Variants in PWWP2A observed in about 807,000 individuals in gnomAD.
PWWP2A encodes the protein PWWP domain-containing protein 2A.
PWWP2A carries 18 observed loss-of-function variants against 48.5 expected under a neutral mutation model. That is an observed-to-expected ratio of 0.37 (90% CI 0.26 to 0.55). The LOEUF (loss-of-function observed/expected upper bound fraction) is 0.55, where lower values mean the gene tolerates loss of function less well. Ranked by LOEUF, PWWP2A falls within the 20% of genes least tolerant of loss-of-function variation. The pLI, the probability that PWWP2A is intolerant of heterozygous loss-of-function variation, is 0.81. For missense variants in PWWP2A, 867 were observed against 976.4 expected, an observed-to-expected ratio of 0.89 and a Z score of 1.49; for synonymous variants, 396 against 387.7, an observed-to-expected ratio of 1.02 and a Z score of -0.25.
chr5:160,046,685 CAG>C, the PWWP2A span, among the ~76,000 whole-genome samples: 2 of 152,072 alleles, frequency 1.3e-5, no homozygotes, highest in African/African-American at 2.4e-5. Context: ...TAAATTAAGA[CAG>C]AAGGAAAATG....
intron 4 of PWWP2A, chr5:160,065,445 GGGTTCCCGCCT>G: frequency 2.2e-6 from 1 of 462,672 alleles, no homozygotes; most frequent in South Asian, 1.6e-5. Flanking sequence ...GATTGATGAC[GGGTTCCCGCCT>G]GCTGTCCCCT....
At chr5:160,052,412 A>G in the PWWP2A span, among the ~76,000 whole-genome samples, 1 of 151,934 alleles carries the variant, frequency 6.6e-6, no homozygotes, top group African/African-American at 2.4e-5. Context: ...ACTTGAGCCC[A>G]AGGGTTAGAG....
At chr5:160,097,513 C>G (rs1419718403) in intron 1 of PWWP2A, among the ~76,000 whole-genome samples, 2 of 151,398 alleles carry the variant, frequency 1.3e-5, no homozygotes, top group East Asian at 4.0e-4. Flanking sequence ...GCCTGTAGTC[C>G]CAACTACTCG....
chr5:160,093,498 A>G lies in PWWP2A; in HGVS notation c.1152T>C (p.Ala384=). The G allele has an allele frequency of 6.2e-7, 1 of 1,613,946 alleles. No individual in the cohort carries two copies. The highest frequency in any genetic ancestry group is 1.1e-5 in the South Asian group (1 of 91,068). The change falls in exon 2 of 2, where the codon GCT becomes GCC. Residue 384 remains alanine (A), a synonymous_variant. Coordinates refer to ENST00000307063, the MANE Select transcript of PWWP2A (RefSeq NM_001130864.2). The surrounding 1 kb of genome is among the most constrained non-coding windows in gnomAD (Gnocchi z 5.8). ...KNQNESQKRN[A]VVKVSNIAHS... ...GAGCAATATTTGAAACCTTAACCAC[A>G]GCATTTCTTTTCTGGCTTTCATTTT...
downstream of PWWP2A, among the ~76,000 whole-genome samples, chr5:160,072,848 T>C (rs912333598): frequency 2.1e-4 from 31 of 150,016 alleles, no homozygotes; most frequent in Admixed American, 4.6e-4. Flanking sequence ...AATAAGTAAA[T>C]CAAAAATTAG....
intron 1 of PWWP2A, among the ~76,000 whole-genome samples, chr5:160,117,630 C>A (rs1363861627): frequency 6.6e-6 from 1 of 151,092 alleles, no homozygotes; most frequent in Non-Finnish European, 1.5e-5. Context: ...GCACTCCAGC[C>A]TGGGTGACAG....
At chr5:160,095,686 CTTTTTTTTTTTT>C (rs11358268) in intron 1 of PWWP2A, among the ~76,000 whole-genome samples, 3 of 100,312 alleles carry the variant, frequency 3.0e-5, no homozygotes, top group Admixed American at 2.4e-4. Flanking sequence ...CCGAAATGTT[CTTTTTTTTTTTT>C]TTTTTTTTTT....
chr5:160,117,863 G>C, intron 1 of PWWP2A: 1 of 984,598 alleles, frequency 1.0e-6, no homozygotes, highest in Non-Finnish European at 1.2e-6. Flanking sequence ...GATACGATCA[G>C]AGCGTGTGCT....
downstream of PWWP2A, among the ~76,000 whole-genome samples, chr5:160,087,065 GCAGTTA>G (rs72400870): frequency 0.039 from 5,956 of 152,106 alleles, 133 homozygotes; most frequent in East Asian, 0.1. Flanking sequence ...TAAAAATTTG[GCAGTTA>G]CAGTTCTTAA....
chr5:160,047,518 C>G, the PWWP2A span, among the ~76,000 whole-genome samples: 1 of 152,250 alleles, frequency 6.6e-6, no homozygotes, highest in Non-Finnish European at 1.5e-5. Flanking sequence ...AGCTTTCCAG[C>G]TGATCTCACA....
intron 5 of PWWP2A, among the ~76,000 whole-genome samples, chr5:160,062,643 C>G (rs1178594372): frequency 1.3e-5 from 2 of 152,170 alleles, no homozygotes; most frequent in Non-Finnish European, 2.9e-5. Flanking sequence ...TGTAATGGCC[C>G]TGGGCTCAGT....
chr5:160,112,004 G>A (rs1402280892), intron 1 of PWWP2A, among the ~76,000 whole-genome samples: 1 of 151,734 alleles, frequency 6.6e-6, no homozygotes, highest in East Asian at 1.9e-4. Flanking sequence ...GCATGCACCT[G>A]TAGCTGCAGC....
Position 160,118,839 on chromosome 5 carries a change from G to A in PWWP2A, c.550C>T (p.Leu184Phe). 5 of 1,579,696 alleles carry A rather than the reference G, an allele frequency of 3.2e-6. No homozygotes were observed. Among genetic ancestry groups the A allele is most frequent in the Admixed American group, 1.8e-5 (1 of 55,864 alleles). Residue 184 changes from leucine to phenylalanine, a missense_variant, in exon 1 of 2, where the codon CTC becomes TTC. Around this residue, in one of 4 missense-constraint regions of PWWP2A, gnomAD observed 385 missense variants for 396.9 expected, o/e 0.97. Transcript: ENST00000307063. Reference protein sequence around the residue: ...LVVSFRFGEKLFSGVLMDLSK... With the variant: ...LVVSFRFGEKFFSGVLMDLSK... The stretch of plus-strand genomic sequence containing the variant: ...AGATCCATGAGGACCCCGGAGAAGA[G>A]CTTCTCCCCGAAGCGGAACGACACG...
At chr5:160,073,862 C>A (rs573663172), downstream of PWWP2A, among the ~76,000 whole-genome samples, 1 of 151,802 alleles carries the variant, frequency 6.6e-6, no homozygotes, top group South Asian at 2.1e-4. Flanking sequence ...GTTGGGAGTT[C>A]AAGACCAGCC....
At chr5:160,113,228 ACTTT>A in intron 1 of PWWP2A, 1 of 982,870 alleles carries the variant, frequency 1.0e-6, no homozygotes, top group Non-Finnish European at 1.2e-6. Context: ...ATTTAGTACC[ACTTT>A]CTTTTCTTTC....
intron 4 of PWWP2A, chr5:160,064,845 G>A (rs1195290336): frequency 5.2e-6 from 7 of 1,353,842 alleles, no homozygotes; most frequent in Non-Finnish European, 6.1e-6. Context: ...TTTATATTTT[G>A]TACTCAGTGG....
At position 160,092,548 on chromosome 5, in the gene PWWP2A, G is replaced by A. The variant is rs996523588; in HGVS notation, c.2102C>T (p.Thr701Ile). Residue 701 changes from threonine (T) to isoleucine (I), a missense_variant, in exon 2 of 2, where the codon ACA becomes ATA. Thr to Ile is a moderately conservative substitution (Grantham distance 89). Around this residue, in one of 4 missense-constraint regions of PWWP2A, gnomAD observed 97 missense variants for 151.7 expected, o/e 0.64. Transcript: ENST00000307063. ...GAGTTGTGAAAGAGCAAGGAAAGAT[G>A]TTGTTGGAGACCCAAACCATGAAAT... is the stretch of plus-strand genomic sequence containing the variant. The part of the protein sequence containing the change: ...ARISWFGSPT[T>I]SFLALSQLSP... The A allele has an allele frequency of 2.6e-6, 4 of 1,551,648 alleles. No individual in the cohort carries two copies. The Admixed American group carries it at 5.9e-5, about 23-fold the overall frequency.
At chr5:160,102,727 T>C (rs1756449936) in intron 1 of PWWP2A, among the ~76,000 whole-genome samples, 1 of 152,180 alleles carries the variant, frequency 6.6e-6, no homozygotes, top group Non-Finnish European at 1.5e-5. Flanking sequence ...ACATTGCCAA[T>C]GAGGGCACAT....
intron 1 of PWWP2A, among the ~76,000 whole-genome samples, chr5:160,114,349 T>C (rs1010357234): frequency 6.6e-6 from 1 of 151,032 alleles, no homozygotes; most frequent in Non-Finnish European, 1.5e-5. Context: ...CTGGCCAACA[T>C]GGCGAAACTC....
Sources: gnomAD v4.1 joint callset for allele counts (sites outside exome capture counted in the v4.1 genomes callset) on GRCh38, gnomAD v4.1.1 for gene constraint, gnomAD v4.1.1 regional missense constraint, Gnocchi (gnomAD v3.1) non-coding constraint, MANE v1.5 for transcripts, NCBI Gene and HGNC (gene_info 2026-07-23, HGNC 2026-07-21) for gene names.